Variants in LEKR1 observed in about 807,000 individuals in gnomAD.
LEKR1 encodes the protein leucine, glutamate and lysine rich 1, also known as protein LEKR1.
In LEKR1, 59 loss-of-function variants were observed where a neutral mutation model predicts 72.4. The observed-to-expected ratio is 0.82, with a 90% CI of 0.66 to 1.01. The LOEUF is 1.01. Ranked by LOEUF, LEKR1 falls within the 50% of genes least tolerant of loss-of-function variation. LEKR1 has a pLI of 0.00. For missense variants in LEKR1, 728 were observed against 759.2 expected (o/e 0.96, Z 0.48); for synonymous variants, 257 against 263.2 (o/e 0.98, Z 0.23).
intron 12 of LEKR1, among the ~76,000 whole-genome samples, chr3:157,030,526 A>T (rs1734524893): frequency 6.6e-6 from 1 of 152,206 alleles, no homozygotes; most frequent in South Asian, 2.1e-4. Context: ...AATTTATCAT[A>T]AAAAAAGCAT....
chr3:156,836,600 T>C (rs879690563), intron 2 of LEKR1, among the ~76,000 whole-genome samples: 6 of 152,196 alleles, frequency 3.9e-5, no homozygotes, highest in Non-Finnish European at 5.9e-5. Context: ...GCTTTTAAGC[T>C]TTTTTCCCCC....
intron 3 of LEKR1, among the ~76,000 whole-genome samples, chr3:156,907,239 A>T (rs1174241991): frequency 1.3e-5 from 2 of 152,000 alleles, no homozygotes; most frequent in Middle Eastern, 3.2e-3. Flanking sequence ...ATTGATGAAG[A>T]TCATTTCTAT....
chr3:156,998,663 T>C (rs571998570), intron 9 of LEKR1, among the ~76,000 whole-genome samples: 1 of 152,304 alleles, frequency 6.6e-6, no homozygotes, highest in Admixed American at 6.5e-5. Context: ...CATCTGCATC[T>C]GTTTGGCTCT....
At chr3:157,035,050 G>A (rs1734865755) in intron 12 of LEKR1, among the ~76,000 whole-genome samples, 1 of 152,184 alleles carries the variant, frequency 6.6e-6, no homozygotes, top group Non-Finnish European at 1.5e-5. Flanking sequence ...ACTTGCTGAA[G>A]GCTCAGATGA....
intron 6 of LEKR1, among the ~76,000 whole-genome samples, chr3:156,958,291 G>T (rs1427534211): frequency 1.3e-5 from 2 of 152,016 alleles, no homozygotes; most frequent in Non-Finnish European, 2.9e-5. Flanking sequence ...TATCTTTCTG[G>T]TGAACTGATT....
At chr3:156,900,474 C>G (rs953521457) in intron 3 of LEKR1, among the ~76,000 whole-genome samples, 5 of 152,094 alleles carry the variant, frequency 3.3e-5, no homozygotes, top group Non-Finnish European at 7.4e-5. Flanking sequence ...AGTCTTATAA[C>G]TAAGGTGATT....
intron 3 of LEKR1, among the ~76,000 whole-genome samples, chr3:156,894,697 A>G (rs1208605925): frequency 6.6e-6 from 1 of 152,228 alleles, no homozygotes; most frequent in Non-Finnish European, 1.5e-5. Flanking sequence ...AAACAGATAC[A>G]TAAACCAATA....
chr3:157,025,015 C>T, intron 11 of LEKR1, 91 bp downstream of exon 11: 2 of 833,640 alleles, frequency 2.4e-6, no homozygotes, highest in Non-Finnish European at 3.7e-6. Context: ...ATTTATAATT[C>T]CAGTAGCTTT....
At chr3:156,956,673 G>A (rs185364546) in intron 6 of LEKR1, among the ~76,000 whole-genome samples, 26 of 152,066 alleles carry the variant, frequency 1.7e-4, no homozygotes, top group Admixed American at 5.3e-4. Context: ...ATTGCAAAGA[G>A]TAACACTGAC....
chr3:156,899,521 T>C (rs1721683184), intron 3 of LEKR1, among the ~76,000 whole-genome samples: 1 of 121,348 alleles, frequency 8.2e-6, no homozygotes, highest in Non-Finnish European at 1.7e-5. Flanking sequence ...TATACATACA[T>C]ACATATATAC....
chr3:156,887,158 CT>C (rs1363752693), intron 3 of LEKR1, among the ~76,000 whole-genome samples: 4 of 152,052 alleles, frequency 2.6e-5, no homozygotes, highest in Admixed American at 6.6e-5. Flanking sequence ...GAATTATTTT[CT>C]TTTGCGGGTG....
At chr3:156,844,614 G>C (rs1338712388) in intron 2 of LEKR1, among the ~76,000 whole-genome samples, 3 of 151,680 alleles carry the variant, frequency 2.0e-5, no homozygotes, top group Non-Finnish European at 4.4e-5. Flanking sequence ...GAATCATGTA[G>C]TGTGTAATAT....
chr3:157,003,397 G>C (rs1045173320), intron 9 of LEKR1, among the ~76,000 whole-genome samples: 2 of 152,138 alleles, frequency 1.3e-5, no homozygotes, highest in African/African-American at 2.4e-5. Flanking sequence ...AAATTTAGTG[G>C]CTTAAAATAA....
intron 3 of LEKR1, among the ~76,000 whole-genome samples, chr3:156,872,013 G>C (rs1718012826): frequency 6.6e-6 from 1 of 151,748 alleles, no homozygotes; most frequent in South Asian, 2.1e-4. Flanking sequence ...GAGAGTATTG[G>C]TATTAGTTCT....
intron 11 of LEKR1, among the ~76,000 whole-genome samples, chr3:157,025,971 A>C (rs1734155671): frequency 6.6e-6 from 1 of 151,984 alleles, no homozygotes; most frequent in Admixed American, 6.6e-5. Flanking sequence ...GTTCACTTGA[A>C]CCCAGGAGTT....
intron 3 of LEKR1, among the ~76,000 whole-genome samples, chr3:156,889,096 T>A (rs1720397309): frequency 6.6e-6 from 1 of 152,166 alleles, no homozygotes; most frequent in Non-Finnish European, 1.5e-5. Context: ...AGAAAAAAGT[T>A]GGTTACTGAA....
chr3:156,910,718 G>C (rs905665096), intron 3 of LEKR1, among the ~76,000 whole-genome samples: 2 of 152,174 alleles, frequency 1.3e-5, no homozygotes, highest in Admixed American at 6.5e-5. Context: ...CATAGTGTAT[G>C]TGTACCACAT....
At chr3:157,032,200 G>A (rs1734665794) in intron 12 of LEKR1, among the ~76,000 whole-genome samples, 1 of 152,116 alleles carries the variant, frequency 6.6e-6, no homozygotes, top group South Asian at 2.1e-4. Flanking sequence ...TTCCATGTGA[G>A]TACAGTCAAG....
At chr3:156,858,623 G>A (rs7617912) in intron 3 of LEKR1, among the ~76,000 whole-genome samples, 24,923 of 150,148 alleles carry the variant, frequency 0.17, 2,466 homozygotes, top group African/African-American at 0.26. Flanking sequence ...GCAGTGAGCC[G>A]AGAATCATGC....
Sources: gnomAD v4.1 joint callset for allele counts (sites outside exome capture counted in the v4.1 genomes callset) on GRCh38, gnomAD v4.1.1 for gene constraint, MANE v1.5 for transcripts, NCBI Gene and HGNC (gene_info 2026-07-23, HGNC 2026-07-21) for gene names.